The following RAB3B variants were observed in gnomAD, a reference collection of about 807,000 sequenced individuals.
RAB3B encodes the protein RAB3B, member RAS oncogene family.
Under a neutral mutation model 20.5 loss-of-function variants are expected in RAB3B, and 11 were observed. The observed-to-expected ratio is 0.54, with a 90% confidence interval of 0.34 to 0.89. The LOEUF is 0.89. Ranked by LOEUF, RAB3B falls within the 40% of genes least tolerant of loss-of-function variation. The pLI is 0.02. For synonymous variants in RAB3B, 99 were observed against 106.3 expected (o/e 0.93, Z 0.42); for missense variants, 225 against 280.9 (o/e 0.80, Z 1.42).
At position 51,915,236 on chromosome 1, in the gene RAB3B, C is replaced by T. The variant is rs1273380071; in HGVS notation, c.*4691G>A. ...ATCTCCATTAGATCATAGGACCTTG[C>T]AGGCAGGGATCATTTTTTTTTTCAT... On this transcript the variant is annotated 3_prime_UTR_variant, in exon 5 of 5. Coordinates refer to ENST00000371655, the MANE Select transcript of RAB3B (RefSeq NM_002867.4). 6.6e-6 allele frequency: 1 copy of T among 151,976 alleles called. No homozygotes were observed. The highest frequency in any genetic ancestry group is 1.9e-4 in the East Asian group (1 of 5,180). The allele number at this position is 151,976 out of a possible 1,614,324, so 9.4% of individuals were successfully genotyped here.
chr1:51,971,497 A>C (rs544312627), intron 2 of RAB3B, among the ~76,000 whole-genome samples: 12 of 151,268 alleles, frequency 7.9e-5, no homozygotes, highest in African/African-American at 2.9e-4. Context: ...CAATGGCGCA[A>C]TCTTGGCTCA....
At chr1:51,980,088 C>T (rs1474660659) in intron 1 of RAB3B, among the ~76,000 whole-genome samples, 2 of 151,962 alleles carry the variant, frequency 1.3e-5, no homozygotes, top group Non-Finnish European at 2.9e-5. Context: ...GAAACTATGG[C>T]TGTTAACATT....
At chr1:51,951,877 G>A (rs1684646862) in intron 2 of RAB3B, among the ~76,000 whole-genome samples, 1 of 152,190 alleles carries the variant, frequency 6.6e-6, no homozygotes, top group Admixed American at 6.5e-5. Context: ...AGGTCCTTGA[G>A]GGCAGAGGGT....
At chr1:51,983,082 A>C (rs1321667959) in intron 1 of RAB3B, among the ~76,000 whole-genome samples, 1 of 152,012 alleles carries the variant, frequency 6.6e-6, no homozygotes, top group East Asian at 1.9e-4. Flanking sequence ...GCCTGGGTGC[A>C]GTGGCTCACA....
intron 2 of RAB3B, among the ~76,000 whole-genome samples, chr1:51,975,520 A>G (rs1029460995): frequency 2.0e-5 from 3 of 152,236 alleles, no homozygotes; most frequent in African/African-American, 7.2e-5. Context: ...AGGCTAACTC[A>G]TAAGAGACAT....
chr1:51,915,681 T>C lies in RAB3B; in HGVS notation c.*4246A>G, dbSNP rs1019768563. The C allele has an allele frequency of 9.6e-6, 1 of 103,732 alleles. No individual in the cohort carries two copies. Among genetic ancestry groups the C allele is most frequent in the African/African-American group, 2.8e-5 (1 of 35,144 alleles). 6.4% of individuals were successfully genotyped at this position (103,732 alleles called of 1,614,324 possible). ...TCTTTAGAAGTCAAGAGGTGTTTTT[T>C]GTTGTTGTTGTTTGTTTGCTTGTTT... On this transcript the variant is annotated 3_prime_UTR_variant, in exon 5 of 5. Coordinates refer to ENST00000371655, the MANE Select transcript of RAB3B (RefSeq NM_002867.4).
intron 3 of RAB3B, among the ~76,000 whole-genome samples, chr1:51,934,487 T>C (rs1684369010): frequency 6.6e-6 from 1 of 152,090 alleles, no homozygotes; most frequent in Non-Finnish European, 1.5e-5. Flanking sequence ...AAAAATACTT[T>C]TTGGCCGGGT....
chr1:51,980,921 T>C, intron 1 of RAB3B: 1 of 450,972 alleles, frequency 2.2e-6, no homozygotes, highest in South Asian at 3.5e-5. Flanking sequence ...TACTATGTTT[T>C]ATTTGTTAAT....
Position 51,911,631 on chromosome 1 carries a change from A to G in RAB3B, c.*8296T>C, listed in dbSNP as rs1684000113. ...AACCAGAATCAGGGTCTAGAAAACC[A>G]GAGACCACACTCTTTCTCACCTTAT... On this transcript the variant is annotated 3_prime_UTR_variant, in exon 5 of 5. Transcript: ENST00000371655. 6.6e-6 allele frequency: 1 copy of G among 152,088 alleles called. No individual in the cohort carries two copies. Among genetic ancestry groups the G allele is most frequent in the Non-Finnish European group, 1.5e-5 (1 of 68,010 alleles). 9.4% of individuals were successfully genotyped at this position (152,088 alleles called of 1,614,324 possible).
intron 2 of RAB3B, among the ~76,000 whole-genome samples, chr1:51,969,120 C>T (rs528195208): frequency 1.3e-5 from 2 of 152,252 alleles, no homozygotes; most frequent in African/African-American, 4.8e-5. Context: ...CATGACAAAA[C>T]CCTGTCTCTA....
intron 2 of RAB3B, among the ~76,000 whole-genome samples, chr1:51,960,674 T>C (rs887360860): frequency 6.6e-6 from 1 of 152,140 alleles, no homozygotes; most frequent in African/African-American, 2.4e-5. Context: ...CAGCCTTAGA[T>C]GGCAACTGGA....
At chr1:51,979,249 G>T (rs1032666566) in intron 1 of RAB3B, among the ~76,000 whole-genome samples, 1 of 151,240 alleles carries the variant, frequency 6.6e-6, no homozygotes, top group African/African-American at 2.4e-5. Context: ...GCAAGAACTT[G>T]CCATGTAAAG....
At position 51,928,153 on chromosome 1, in the gene RAB3B, C is replaced by T. The variant is rs574773797; in HGVS notation, c.472+5165G>A. ...TGGAGTTTTGCTCTTGTTGCCCAGG[C>T]TGGAGTGCAATGGTGCGATCTCTGC... On this transcript the variant is annotated intron_variant, in intron 4 of 4. Coordinates refer to ENST00000371655, the MANE Select transcript of RAB3B (RefSeq NM_002867.4). Among the ~76,000 whole-genome samples, 9 of 152,238 alleles carry T rather than the reference C, an allele frequency of 5.9e-5. No homozygotes were observed. In the East Asian group the frequency reaches 1.5e-3, roughly 26 times the overall value.
chr1:51,953,003 C>T (rs1684660213), intron 2 of RAB3B, among the ~76,000 whole-genome samples: 1 of 152,168 alleles, frequency 6.6e-6, no homozygotes, highest in South Asian at 2.1e-4. Context: ...AACCATCCAA[C>T]ATGTATATGG....
chr1:51,980,999 A>T (rs1162633409), intron 1 of RAB3B, among the ~76,000 whole-genome samples: 1 of 152,194 alleles, frequency 6.6e-6, no homozygotes, highest in Non-Finnish European at 1.5e-5. Flanking sequence ...TACCTTTTTT[A>T]CCAGCTGTAG....
At position 51,989,103 on chromosome 1, in the gene RAB3B, GCACACACACA is replaced by G. The variant is rs60307928; in HGVS notation, c.-1+1439_-1+1448del. On this transcript the variant is annotated intron_variant, in intron 1 of 4. Transcript: ENST00000371655. Reference sequence around the variant, plus strand: ...CAGGTGGACACCCACCTGTGCGCGCGCACACACACACACACACACACACACACACATCCTC... The same window carrying G: ...CAGGTGGACACCCACCTGTGCGCGCGCACACACACACACACACACATCCTC... 9.0e-5 allele frequency among the ~76,000 whole-genome samples: 12 copies of G among 132,676 alleles called. 1 individual carries two copies. The highest frequency in any genetic ancestry group is 7.3e-5 in the Admixed American group (1 of 13,756). 87.0% of individuals were successfully genotyped at this position (132,676 alleles called of 152,430 possible).
chr1:51,967,635 C>A (rs1348098082), intron 2 of RAB3B, among the ~76,000 whole-genome samples: 1 of 149,268 alleles, frequency 6.7e-6, no homozygotes, highest in African/African-American at 2.5e-5. Context: ...GATCCTCTGG[C>A]CTCAGCCTCA....
intron 2 of RAB3B, among the ~76,000 whole-genome samples, chr1:51,940,252 G>A (rs1457029542): frequency 6.6e-6 from 1 of 152,180 alleles, no homozygotes; most frequent in Non-Finnish European, 1.5e-5. Context: ...AGTTGTGAAG[G>A]TGGCTAAGAT....
At position 51,919,232 on chromosome 1, in the gene RAB3B, C is replaced by T. The variant is rs1029964168; in HGVS notation, c.*695G>A. On this transcript the variant is annotated 3_prime_UTR_variant, in exon 5 of 5. Transcript: ENST00000371655. The stretch of plus-strand genomic sequence containing the variant: ...TCTCCTGACCTCATGATCCACCCGC[C>T]TCGGCCTCCCAAAGTGCTGGGATTA... 1 of 152,180 alleles carries T rather than the reference C, an allele frequency of 6.6e-6. No homozygotes were observed. The highest frequency in any genetic ancestry group is 2.4e-5 in the African/African-American group (1 of 41,444). 9.4% of individuals were successfully genotyped at this position (152,180 alleles called of 1,614,324 possible). A position where few individuals can be genotyped will look rare whatever the true frequency, so the allele number is the denominator to read the frequency against.
Sources: allele counts gnomAD v4.1 joint callset (sites outside exome capture counted in the v4.1 genomes callset), GRCh38; gene constraint gnomAD v4.1.1; transcripts MANE v1.5; gene names NCBI Gene and HGNC (gene_info 2026-07-23, HGNC 2026-07-21).